The following USP9X variants were observed in gnomAD, a reference collection of about 807,000 sequenced individuals.
USP9X encodes the protein ubiquitin carboxyl-terminal hydrolase 9X.
In USP9X, 7 loss-of-function variants were observed where a neutral mutation model predicts 190.3. The observed-to-expected ratio is 0.04, with a 90% CI of 0.02 to 0.07. USP9X has a LOEUF of 0.07. Among genes scored for constraint, USP9X ranks in the 10% least tolerant of loss-of-function variants. USP9X has a pLI of 1.00. For synonymous variants in USP9X, 645 were observed against 659.5 expected, an observed-to-expected ratio of 0.98 and a Z score of 0.34; for missense variants, 1,010 against 1,916.9, an observed-to-expected ratio of 0.53 and a Z score of 8.83.
chrX:41,186,354 C>T (rs1173565499), intron 23 of USP9X, among the ~76,000 whole-genome samples, 163 bp from the exon 24 acceptor site: 2 of 111,841 alleles, frequency 1.8e-5, no homozygotes, highest in Non-Finnish European at 3.8e-5. Flanking sequence ...AGAGAGGAAG[C>T]CCACTTTGTT....
intron 1 of USP9X, among the ~76,000 whole-genome samples, chrX:41,089,903 GTTTTTT>G (rs139093155): frequency 2.0e-4 from 6 of 30,326 alleles, no homozygotes; most frequent in African/African-American, 2.8e-4. Context: ...ATCTATGAGG[GTTTTTT>G]TTTTTTTTTT....
chrX:41,205,122 A>G (rs1465323039), intron 31 of USP9X, 181 bp from the exon 32 acceptor site: 3 of 380,820 alleles, frequency 7.9e-6, no homozygotes, highest in Non-Finnish European at 1.3e-5. Context: ...TTATTTGGTT[A>G]TGATAACTAA....
At chrX:41,116,520 A>G (rs1374390250) in intron 1 of USP9X, among the ~76,000 whole-genome samples, 2 of 111,968 alleles carry the variant, frequency 1.8e-5, no homozygotes, top group Non-Finnish European at 1.9e-5. Context: ...CCACCACTTG[A>G]GTATTGAATA....
At chrX:41,163,480 G>A (rs1165460407) in intron 15 of USP9X, among the ~76,000 whole-genome samples, 1 of 111,168 alleles carries the variant, frequency 9.0e-6, no homozygotes, top group Non-Finnish European at 1.9e-5. Flanking sequence ...GGTCAGGCAC[G>A]GTGGCTCACA....
intron 9 of USP9X, 129 bp from the exon 10 acceptor site, chrX:41,143,162 A>G (rs2062437354): frequency 6.5e-6 from 3 of 464,176 alleles, no homozygotes; most frequent in Middle Eastern, 7.5e-4. Context: ...ACACATAAGT[A>G]TATTTTACCA....
intron 14 of USP9X, among the ~76,000 whole-genome samples, chrX:41,161,784 A>G (rs1340078971): frequency 4.9e-5 from 5 of 102,356 alleles, no homozygotes; most frequent in African/African-American, 1.1e-4. Context: ...GGGTCTTGCT[A>G]TGTTCCCCAG....
Position 41,232,495 on chromosome X carries a change from G to A in USP9X, c.7636G>A (p.Val2546Ile). The A allele has an allele frequency of 8.3e-7, 1 of 1,211,234 alleles. No individual in the cohort carries two copies. Among genetic ancestry groups the A allele is most frequent in the Non-Finnish European group, 1.1e-6 (1 of 895,237 alleles). ...AGAAAATTATGAAGGCAGTGAAGAAGTATCCCCACCTCAAACCAAGGATCA... is the reference window on the plus strand; with the variant it reads ...AGAAAATTATGAAGGCAGTGAAGAAATATCCCCACCTCAAACCAAGGATCA... Reference protein sequence around the residue: ...AQENYEGSEEVSPPQTKDQ With the variant: ...AQENYEGSEEISPPQTKDQ The change falls in exon 45 of 45, where the codon GTA becomes ATA. Residue 2546 changes from valine to isoleucine, a missense_variant. Val to Ile is a conservative substitution (Grantham distance 29). This residue lies in a region of USP9X where 48 missense variants were observed against 60.4 expected (regional missense o/e 0.79). Transcript: ENST00000378308.
chrX:41,196,753 A>G lies in USP9X; in HGVS notation c.4233+15A>G. ...AAAGAATTAGGGTAAGTTTTAGTTA[A>G]TACTCCATTTATATGTCATTATTAG... On this transcript the variant is annotated intron_variant, in intron 28 of 44. Coordinates refer to ENST00000378308, the MANE Select transcript of USP9X (RefSeq NM_001039591.3). The G allele has an allele frequency of 9.1e-7, 1 of 1,097,025 alleles. No homozygotes were observed. The allele number at this position is 1,097,025 out of a possible 1,213,427, so 90.4% of individuals were successfully genotyped here. A position where few individuals can be genotyped will look rare whatever the true frequency, so the allele number is the denominator to read the frequency against.
chrX:41,102,530 C>T (rs2062041282), intron 1 of USP9X, among the ~76,000 whole-genome samples: 1 of 111,228 alleles, frequency 9.0e-6, no homozygotes, highest in South Asian at 3.8e-4. Context: ...GGGTGAGGCA[C>T]GAGAATTGCT....
rs145805815 is a variant in USP9X, at chrX:41,201,205, C to T, written c.4749C>T (p.Asn1583=). The change falls in exon 31 of 45, where the codon AAC becomes AAT. Residue 1583 remains asparagine, a synonymous_variant. Coordinates refer to ENST00000378308, the MANE Select transcript of USP9X (RefSeq NM_001039591.3). Reference sequence around the variant, plus strand: ...TCTACATGATTCCTTCCATTAGGAACGGTATTCTTGCCATTGAAGGCACAG... The same window carrying T: ...TCTACATGATTCCTTCCATTAGGAATGGTATTCTTGCCATTGAAGGCACAG... ...QQLYMIPSIR[N]GILAIEGTGS... The T allele has an allele frequency of 4.8e-4, 583 of 1,209,623 alleles. 1 individual carries two copies. The African/African-American group carries it at 8.1e-3, about 17-fold the overall frequency.
At chrX:41,144,423 A>G in intron 10 of USP9X, 99 bp from the exon 11 acceptor site, 1 of 661,948 alleles carries the variant, frequency 1.5e-6, no homozygotes, top group Non-Finnish European at 2.4e-6. Flanking sequence ...TAAATGAAGG[A>G]GATAGGAGTA....
chrX:41,120,102 G>A (rs192101392), intron 1 of USP9X, among the ~76,000 whole-genome samples: 5 of 111,205 alleles, frequency 4.5e-5, no homozygotes, highest in East Asian at 5.6e-4. Context: ...GTTTTGCTTC[G>A]CCAGTTTGAT....
intron 30 of USP9X, among the ~76,000 whole-genome samples, chrX:41,200,722 T>C (rs964291016): frequency 1.8e-5 from 2 of 112,386 alleles, no homozygotes; most frequent in African/African-American, 6.5e-5. Context: ...TATCAAATAT[T>C]AAGAAAGTGA....
intron 30 of USP9X, among the ~76,000 whole-genome samples, chrX:41,199,228 C>A (rs1015915771): frequency 9.0e-6 from 1 of 110,684 alleles, no homozygotes; most frequent in Non-Finnish European, 1.9e-5. Context: ...AAAATAAGAC[C>A]ATTATAAGCA....
intron 38 of USP9X, among the ~76,000 whole-genome samples, chrX:41,220,102 C>T (rs2147254829): frequency 8.9e-6 from 1 of 112,075 alleles, no homozygotes; most frequent in South Asian, 3.7e-4. Context: ...ATCCATGGCC[C>T]TTTTAACATA....
At chrX:41,174,984 GA>G (rs928826605) in intron 21 of USP9X, among the ~76,000 whole-genome samples, 1 of 105,932 alleles carries the variant, frequency 9.4e-6, no homozygotes. Context: ...TCTGTCTGAA[GA>G]AAAAAAAAAG....
chrX:41,135,600 A>G (rs942822082), intron 5 of USP9X, among the ~76,000 whole-genome samples: 4 of 111,477 alleles, frequency 3.6e-5, no homozygotes, highest in African/African-American at 1.3e-4. Flanking sequence ...ATAAAATGCC[A>G]TAACTACTCT....
chrX:41,202,188 C>G (rs2063049073), intron 31 of USP9X, among the ~76,000 whole-genome samples: 1 of 111,540 alleles, frequency 9.0e-6, no homozygotes, highest in Non-Finnish European at 1.9e-5. Context: ...TTTGAATTTC[C>G]CTTAGATCAT....
intron 16 of USP9X, 140 bp downstream of exon 16, chrX:41,166,354 T>A (rs2062678384): frequency 2.2e-6 from 1 of 463,346 alleles, no homozygotes; most frequent in Admixed American, 4.5e-5. Context: ...AATTGTTCAT[T>A]TTTATTATGT....
Sources: gnomAD v4.1 joint callset for allele counts (sites outside exome capture counted in the v4.1 genomes callset) on GRCh38, gnomAD v4.1.1 for gene constraint, gnomAD v4.1.1 regional missense constraint, MANE v1.5 for transcripts, NCBI Gene and HGNC (gene_info 2026-07-23, HGNC 2026-07-21) for gene names.